Variants in MTX2 observed in about 807,000 individuals in gnomAD.
MTX2 encodes the protein metaxin-2.
Under a neutral mutation model 42.3 loss-of-function variants are expected in MTX2, and 35 were observed. That is an observed-to-expected ratio of 0.83 (90% CI 0.63 to 1.10). MTX2 has a LOEUF of 1.10. Among genes scored for constraint, MTX2 ranks in the 50% least tolerant of loss-of-function variants. MTX2 has a pLI of 0.00. For synonymous variants in MTX2, 119 were observed against 100.9 expected (o/e 1.18, Z -1.08); for missense variants, 307 against 304.1 (o/e 1.01, Z -0.07).
At position 176,337,533 on chromosome 2, in the gene MTX2, A is replaced by G. The variant is rs149856209; in HGVS notation, c.661A>G (p.Thr221Ala). 39 of 1,612,836 alleles carry G rather than the reference A, an allele frequency of 2.4e-5. No homozygotes were observed. The East Asian group carries it at 4.7e-4, about 19-fold the overall frequency. The stretch of plus-strand genomic sequence containing the variant: ...CGCACTGGTATTTGGCCATCTATAC[A>G]CCATTCTTACCACACAATTGACAAA... ...LDALVFGHLY[T>A]ILTTQLTNDE... Residue 221 changes from threonine to alanine, a missense_variant, in exon 10 of 10, where the codon ACC becomes GCC. Thr to Ala is a moderately conservative substitution (Grantham distance 58, BLOSUM62 0). Coordinates refer to ENST00000249442, the MANE Select transcript of MTX2 (RefSeq NM_006554.5).
At chr2:176,314,160 G>A (rs1684382333) in intron 3 of MTX2, among the ~76,000 whole-genome samples, 1 of 152,152 alleles carries the variant, frequency 6.6e-6, no homozygotes, top group Non-Finnish European at 1.5e-5. Context: ...AGGGCTGGGT[G>A]CGGTGGTGAC....
At chr2:176,270,331 C>G (rs570538906) in intron 1 of MTX2, 1 of 1,347,398 alleles carries the variant, frequency 7.4e-7, no homozygotes, top group Non-Finnish European at 9.8e-7. Flanking sequence ...CCACCACGCC[C>G]GCGCGGATTC....
intron 3 of MTX2, among the ~76,000 whole-genome samples, chr2:176,318,431 A>G (rs553117156): frequency 1.1e-3 from 161 of 152,284 alleles, no homozygotes; most frequent in African/African-American, 3.6e-3. Context: ...ACATATACAT[A>G]TGTGTGCATT....
intron 1 of MTX2, among the ~76,000 whole-genome samples, chr2:176,294,251 G>A (rs920812039): frequency 3.3e-5 from 5 of 150,430 alleles, no homozygotes; most frequent in Admixed American, 1.3e-4. Context: ...GAGATCTGGA[G>A]AATCCATGGG....
Position 176,332,588 on chromosome 2 carries a change from A to G in MTX2, c.620+1928A>G, listed in dbSNP as rs373871973. 7.9e-5 allele frequency among the ~76,000 whole-genome samples: 12 copies of G among 151,474 alleles called. No individual in the cohort carries two copies. The East Asian group carries it at 2.1e-3, about 27-fold the overall frequency. On this transcript the variant is annotated intron_variant, in intron 9 of 9. Transcript: ENST00000249442. ...TGGGAGGACTCGTGAAAGAAACCAA[A>G]TACCGTTACTTGATGAGAGAAAAGG...
intron 1 of MTX2, among the ~76,000 whole-genome samples, chr2:176,290,026 T>C (rs1470495177): frequency 1.3e-5 from 2 of 152,084 alleles, no homozygotes; most frequent in African/African-American, 2.4e-5. Context: ...GAAAATGATA[T>C]ATAAGAAAAA....
intron 4 of MTX2, among the ~76,000 whole-genome samples, chr2:176,324,689 T>A (rs891322891): frequency 4.6e-5 from 7 of 151,732 alleles, no homozygotes; most frequent in Non-Finnish European, 8.9e-5. Flanking sequence ...TCTACCTGTT[T>A]CCTAAAATTA....
intron 1 of MTX2, among the ~76,000 whole-genome samples, chr2:176,271,523 T>C (rs1692806175): frequency 6.6e-6 from 1 of 152,170 alleles, no homozygotes; most frequent in Non-Finnish European, 1.5e-5. Context: ...GGGTGAAATA[T>C]AGATGGACAG....
At chr2:176,310,795 C>T (rs888328837) in intron 3 of MTX2, among the ~76,000 whole-genome samples, 8 of 152,158 alleles carry the variant, frequency 5.3e-5, no homozygotes, top group African/African-American at 1.2e-4. Flanking sequence ...GTTAGCCATT[C>T]GTCTAACCTT....
chr2:176,319,767 G>A (rs1341917535), intron 3 of MTX2, among the ~76,000 whole-genome samples: 1 of 151,888 alleles, frequency 6.6e-6, no homozygotes, highest in Non-Finnish European at 1.5e-5. Context: ...GTAGAGTCAG[G>A]GTTTCACCAT....
intron 9 of MTX2, among the ~76,000 whole-genome samples, chr2:176,335,575 TAATG>T (rs1272748615): frequency 6.6e-6 from 1 of 152,004 alleles, no homozygotes; most frequent in Non-Finnish European, 1.5e-5. Flanking sequence ...TGTGAAATCA[TAATG>T]AAGAATAAGT....
chr2:176,306,113 G>A (rs896807327), intron 3 of MTX2, among the ~76,000 whole-genome samples: 1 of 151,710 alleles, frequency 6.6e-6, no homozygotes, highest in Non-Finnish European at 1.5e-5. Flanking sequence ...CCTGCCCTGT[G>A]TCGAAGTGAT....
chr2:176,272,566 T>C (rs1453037056), intron 1 of MTX2, among the ~76,000 whole-genome samples: 1 of 152,136 alleles, frequency 6.6e-6, no homozygotes, highest in Non-Finnish European at 1.5e-5. Flanking sequence ...TATACAAAAA[T>C]TATGGTATGG....
At chr2:176,289,058 A>C (rs1430764125) in intron 1 of MTX2, among the ~76,000 whole-genome samples, 1 of 152,072 alleles carries the variant, frequency 6.6e-6, no homozygotes, top group African/African-American at 2.4e-5. Context: ...ACTTATGTGA[A>C]TTTATTGGTT....
rs1328183378 is a variant in MTX2, at chr2:176,269,597, G to A, written c.-33G>A. 1.3e-6 allele frequency: 2 copies of A among 1,567,442 alleles called. No homozygotes were observed. The highest frequency in any genetic ancestry group is 1.7e-6 in the Non-Finnish European group (2 of 1,160,872). The stretch of plus-strand genomic sequence containing the variant: ...TGGAGGACGCTGAGGCCCGTGGGGG[G>A]CAGGCACCCGGGCGCCGGGCCTCCC... On this transcript the variant is annotated 5_prime_UTR_variant, in exon 1 of 10. Coordinates refer to ENST00000249442, the MANE Select transcript of MTX2 (RefSeq NM_006554.5).
intron 3 of MTX2, among the ~76,000 whole-genome samples, chr2:176,321,812 C>T (rs1684589239): frequency 6.6e-6 from 1 of 152,088 alleles, no homozygotes; most frequent in Admixed American, 6.6e-5. Context: ...ATAGTTTCTA[C>T]CACTGTAGGG....
chr2:176,333,425 T>C lies in MTX2; in HGVS notation c.620+2765T>C, dbSNP rs80191209. Among the ~76,000 whole-genome samples the C allele has an allele frequency of 8.4e-3, 1,277 of 151,812 alleles. 24 individuals carry two copies. Among genetic ancestry groups the C allele is most frequent in the African/African-American group, 0.029 (1,209 of 41,514 alleles). On this transcript the variant is annotated intron_variant, in intron 9 of 9. Coordinates refer to ENST00000249442, the MANE Select transcript of MTX2 (RefSeq NM_006554.5). ...TTATTGATGTGTAATTTACATCTAG[T>C]AAAATTGGCACTTTTATGCGTGTAG... is the stretch of plus-strand genomic sequence containing the variant.
intron 9 of MTX2, 95 bp downstream of exon 9, chr2:176,330,755 T>A: frequency 2.4e-6 from 2 of 830,494 alleles, no homozygotes; most frequent in Non-Finnish European, 3.8e-6. Context: ...AGAAAATATT[T>A]AGCTATTTTT....
intron 3 of MTX2, among the ~76,000 whole-genome samples, chr2:176,321,577 C>T (rs545643658): frequency 3.3e-5 from 5 of 152,132 alleles, no homozygotes; most frequent in Non-Finnish European, 5.9e-5. Context: ...ACTCTTGTTG[C>T]TCTACCATTT....
Sources: gnomAD v4.1 joint callset for allele counts (sites outside exome capture counted in the v4.1 genomes callset) on GRCh38, gnomAD v4.1.1 for gene constraint, MANE v1.5 for transcripts, NCBI Gene and HGNC (gene_info 2026-07-23, HGNC 2026-07-21) for gene names.